Variants in ABLIM1 observed in about 807,000 individuals in gnomAD.
ABLIM1 encodes actin binding LIM protein 1, also known as actin-binding LIM protein 1.
Under a neutral mutation model 107.0 loss-of-function variants are expected in ABLIM1, and 40 were observed. The ratio of observed to expected loss-of-function variants is 0.37; its 90% CI spans 0.29 to 0.49. ABLIM1 has a LOEUF of 0.49. Ranked by LOEUF, ABLIM1 falls within the 20% of genes least tolerant of loss-of-function variation. ABLIM1 has a pLI of 0.97. For synonymous variants in ABLIM1, 357 were observed against 357.3 expected (o/e 1.00, Z 0.01); for missense variants, 857 against 1,008.5 (o/e 0.85, Z 2.04).
chr10:114,787,694 CGGGA>C, the ABLIM1 span, among the ~76,000 whole-genome samples: 1 of 74,182 alleles, frequency 1.3e-5, no homozygotes, highest in African/African-American at 4.1e-5. Flanking sequence ...CCACCCCGTC[CGGGA>C]GGGAGGTGGG....
chr10:114,719,636 C>A (rs79027664), intron 1 of ABLIM1, among the ~76,000 whole-genome samples: 1 of 152,160 alleles, frequency 6.6e-6, no homozygotes, highest in Non-Finnish European at 1.5e-5. Flanking sequence ...AGATGTCACA[C>A]AGCTGACCTT....
intron 1 of ABLIM1, among the ~76,000 whole-genome samples, chr10:114,636,842 G>T (rs912326606): frequency 2.2e-4 from 34 of 151,998 alleles, no homozygotes; most frequent in African/African-American, 8.2e-4. Context: ...AGACCAGCCT[G>T]GCCAACACGG....
chr10:114,795,617 G>A, the ABLIM1 span, among the ~76,000 whole-genome samples: 4 of 151,916 alleles, frequency 2.6e-5, no homozygotes, highest in East Asian at 1.9e-4. Context: ...GCTGAGGCAG[G>A]AGAATTGCTT....
chr10:114,557,015 G>GA (rs1215089254), intron 4 of ABLIM1, among the ~76,000 whole-genome samples: 1 of 152,180 alleles, frequency 6.6e-6, no homozygotes, highest in Non-Finnish European at 1.5e-5. Context: ...CCATTAGCCA[G>GA]AAAAGCAATA....
Position 114,509,003 on chromosome 10 carries a change from A to T in ABLIM1, c.895-17125T>A, listed in dbSNP as rs141256852. On this transcript the variant is annotated intron_variant, in intron 6 of 22. Coordinates refer to ENST00000533213, the MANE Select transcript of ABLIM1 (RefSeq NM_002313.7). ...CATGAGATAGGAACATCAAGTTACCATTACTATCCCCATGTTACAGATGAG... is the reference window on the plus strand; with the variant it reads ...CATGAGATAGGAACATCAAGTTACCTTTACTATCCCCATGTTACAGATGAG... Among the ~76,000 whole-genome samples the T allele has an allele frequency of 2.9e-3, 442 of 152,364 alleles. 4 individuals carry two copies. Among genetic ancestry groups the T allele is most frequent in the African/African-American group, 9.9e-3 (410 of 41,582 alleles).
At chr10:114,787,856 A>G in the ABLIM1 span, among the ~76,000 whole-genome samples, 1 of 148,416 alleles carries the variant, frequency 6.7e-6, no homozygotes, top group Non-Finnish European at 1.5e-5. Context: ...AGAACGGGCC[A>G]TGATGACAAT....
the ABLIM1 span, among the ~76,000 whole-genome samples, chr10:114,786,919 C>T: frequency 3.9e-5 from 6 of 152,084 alleles, no homozygotes; most frequent in Admixed American, 3.9e-4. Flanking sequence ...GCGGCCACCC[C>T]GTCTGGGAAG....
At chr10:114,654,537 C>T (rs1454221860) in intron 1 of ABLIM1, among the ~76,000 whole-genome samples, 1 of 152,066 alleles carries the variant, frequency 6.6e-6, no homozygotes, top group African/African-American at 2.4e-5. Flanking sequence ...GTCTTGAACT[C>T]CTAGGCCCAA....
At chr10:114,525,773 G>C (rs916472354) in intron 6 of ABLIM1, among the ~76,000 whole-genome samples, 6 of 152,212 alleles carry the variant, frequency 3.9e-5, no homozygotes, top group Non-Finnish European at 7.3e-5. Context: ...TCTCAGCTAA[G>C]TGACAAATGA....
the ABLIM1 span, among the ~76,000 whole-genome samples, chr10:114,800,229 T>C: frequency 6.6e-6 from 1 of 152,180 alleles, no homozygotes; most frequent in African/African-American, 2.4e-5. Flanking sequence ...TACTGCCATA[T>C]CCTAGGAGAT....
At chr10:114,610,374 T>C (rs1291282956) in intron 1 of ABLIM1, among the ~76,000 whole-genome samples, 1 of 152,206 alleles carries the variant, frequency 6.6e-6, no homozygotes, top group Non-Finnish European at 1.5e-5. Context: ...TATGGTAAGG[T>C]TGACTTCTGC....
chr10:114,485,966 G>A (rs2058128451), intron 8 of ABLIM1, among the ~76,000 whole-genome samples: 1 of 152,114 alleles, frequency 6.6e-6, no homozygotes. Context: ...CTGGGTACGT[G>A]GGAGCCTCTT....
upstream of ABLIM1, among the ~76,000 whole-genome samples, chr10:114,769,729 A>C (rs1012005463): frequency 1.3e-5 from 2 of 152,204 alleles, no homozygotes; most frequent in Non-Finnish European, 2.9e-5. Context: ...AAAATAATTG[A>C]TGGATAATTG....
intron 12 of ABLIM1, among the ~76,000 whole-genome samples, chr10:114,453,754 GAGCTCGC>G (rs2062293743): frequency 6.6e-6 from 1 of 152,180 alleles, no homozygotes; most frequent in South Asian, 2.1e-4. Context: ...TGAAAGCTGT[GAGCTCGC>G]AGCAAACTGA....
At chr10:114,798,375 G>T in the ABLIM1 span, among the ~76,000 whole-genome samples, 1 of 151,616 alleles carries the variant, frequency 6.6e-6, no homozygotes, top group Non-Finnish European at 1.5e-5. Context: ...AGTGAGCCAA[G>T]ATTGCACCAC....
At chr10:114,708,679 A>G (rs1336513592) in intron 1 of ABLIM1, among the ~76,000 whole-genome samples, 2 of 152,208 alleles carry the variant, frequency 1.3e-5, no homozygotes, top group African/African-American at 4.8e-5. Context: ...AAGAAAGAGG[A>G]AAGAAGAGCA....
At chr10:114,567,912 C>T (rs1211381234) in intron 4 of ABLIM1, among the ~76,000 whole-genome samples, 3 of 152,100 alleles carry the variant, frequency 2.0e-5, no homozygotes, top group Admixed American at 6.5e-5. Context: ...TACTTTCGGC[C>T]GGGCGCGGTG....
intron 1 of ABLIM1, among the ~76,000 whole-genome samples, chr10:114,750,973 A>T (rs1566302740): frequency 6.6e-6 from 1 of 152,240 alleles, no homozygotes; most frequent in Non-Finnish European, 1.5e-5. Flanking sequence ...GAAGTGCTTA[A>T]TGAAGAATCT....
At chr10:114,681,480 C>A (rs138127176) in intron 1 of ABLIM1, among the ~76,000 whole-genome samples, 273 of 152,316 alleles carry the variant, frequency 1.8e-3, no homozygotes, top group African/African-American at 5.8e-3. Flanking sequence ...TAGGCATGAG[C>A]CATCACGCCT....
Sources: gnomAD v4.1 joint callset for allele counts (sites outside exome capture counted in the v4.1 genomes callset) on GRCh38, gnomAD v4.1.1 for gene constraint, MANE v1.5 for transcripts, NCBI Gene and HGNC (gene_info 2026-07-23, HGNC 2026-07-21) for gene names.